SGCZ: variants seen among roughly 807,000 people sequenced by gnomAD.
The protein encoded by SGCZ is zeta-sarcoglycan.
In SGCZ, 40 loss-of-function variants were observed where a neutral mutation model predicts 41.3. That is an observed-to-expected ratio of 0.97 (90% CI 0.75 to 1.26). The LOEUF is 1.26. SGCZ is among the 50% of genes most tolerant of loss of function. The pLI is 0.00. For synonymous variants in SGCZ, 206 were observed against 137.5 expected (o/e 1.50, Z -3.49); for missense variants, 552 against 369.8 (o/e 1.49, Z -4.04).
chr8:14,363,138 T>C (rs1260831146), intron 2 of SGCZ, among the ~76,000 whole-genome samples: 1 of 152,188 alleles, frequency 6.6e-6, no homozygotes, highest in Admixed American at 6.5e-5. Flanking sequence ...CCTTTGCCTT[T>C]CTACTTCCAT....
intron 1 of SGCZ, among the ~76,000 whole-genome samples, chr8:15,172,171 T>G (rs1346516327): frequency 1.5e-5 from 2 of 135,912 alleles, no homozygotes; most frequent in East Asian, 2.2e-4. Flanking sequence ...TTTTTTTTTT[T>G]TTTTTTTTGA....
chr8:14,857,196 T>C (rs1803570217), intron 1 of SGCZ, among the ~76,000 whole-genome samples: 1 of 152,320 alleles, frequency 6.6e-6, no homozygotes, highest in South Asian at 2.1e-4. Context: ...CCTGCCATGA[T>C]TGTAAGTTTC....
chr8:14,294,847 C>T (rs369725055), intron 3 of SGCZ, among the ~76,000 whole-genome samples: 4 of 151,946 alleles, frequency 2.6e-5, no homozygotes, highest in Non-Finnish European at 2.9e-5. Context: ...CAAATTAAAA[C>T]TACAGTGCAC....
At chr8:15,009,495 A>G (rs1802752567) in intron 1 of SGCZ, among the ~76,000 whole-genome samples, 1 of 152,208 alleles carries the variant, frequency 6.6e-6, no homozygotes, top group Non-Finnish European at 1.5e-5. Flanking sequence ...GAAGGTTTAG[A>G]CAGAGCCAGT....
At chr8:14,273,784 G>C (rs567658560) in intron 3 of SGCZ, among the ~76,000 whole-genome samples, 1 of 152,020 alleles carries the variant, frequency 6.6e-6, no homozygotes, top group African/African-American at 2.4e-5. Flanking sequence ...AAACTAATGA[G>C]CATCGTAATA....
At chr8:14,440,756 C>T (rs1800233363) in intron 2 of SGCZ, among the ~76,000 whole-genome samples, 1 of 117,290 alleles carries the variant, frequency 8.5e-6, no homozygotes, top group Admixed American at 8.3e-5. Flanking sequence ...CATACGTATA[C>T]ACGTATATGT....
At chr8:14,596,838 A>T (rs996743313) in intron 1 of SGCZ, among the ~76,000 whole-genome samples, 1 of 152,180 alleles carries the variant, frequency 6.6e-6, no homozygotes, top group African/African-American at 2.4e-5. Context: ...AGAGTAAAAT[A>T]AAAAATAATA....
At chr8:14,193,154 T>C (rs1462749589) in intron 4 of SGCZ, among the ~76,000 whole-genome samples, 1 of 151,900 alleles carries the variant, frequency 6.6e-6, no homozygotes, top group Non-Finnish European at 1.5e-5. Flanking sequence ...TGGATTCATA[T>C]GATGTGAAAT....
intron 5 of SGCZ, among the ~76,000 whole-genome samples, chr8:14,145,539 A>G (rs1174470774): frequency 1.3e-5 from 2 of 152,206 alleles, no homozygotes; most frequent in Non-Finnish European, 2.9e-5. Context: ...ACCAAAGAAC[A>G]TTGTTAATAT....
intron 1 of SGCZ, among the ~76,000 whole-genome samples, chr8:15,012,572 T>C (rs1465497201): frequency 9.6e-6 from 1 of 104,582 alleles, no homozygotes; most frequent in Non-Finnish European, 2.2e-5. Flanking sequence ...CATATAAATA[T>C]ATATTTATAT....
Position 15,046,043 on chromosome 8 carries a change from A to G in SGCZ, c.39+191542T>C, listed in dbSNP as rs1015428554. On this transcript the variant is annotated intron_variant, in intron 1 of 7. Transcript: ENST00000382080. ...TACCATATAGATTTCATTCTATTAC[A>G]TTATATTGTTAGTACATTTACATAC... Among the ~76,000 whole-genome samples, 4 of 152,234 alleles carry G rather than the reference A, an allele frequency of 2.6e-5. No individual in the cohort carries two copies. The East Asian group carries it at 7.7e-4, about 29-fold the overall frequency.
intron 2 of SGCZ, among the ~76,000 whole-genome samples, chr8:14,421,520 T>A (rs1799636542): frequency 6.6e-6 from 1 of 152,130 alleles, no homozygotes; most frequent in Non-Finnish European, 1.5e-5. Context: ...AATTTGAAAT[T>A]CCTGGACATG....
chr8:14,582,452 T>C (rs930014888), intron 1 of SGCZ, among the ~76,000 whole-genome samples: 1 of 152,118 alleles, frequency 6.6e-6, no homozygotes. Context: ...TCATGTATTT[T>C]GGGGGGAGCT....
chr8:15,206,675 C>T (rs1377464247), intron 1 of SGCZ, among the ~76,000 whole-genome samples: 1 of 152,186 alleles, frequency 6.6e-6, no homozygotes, highest in East Asian at 1.9e-4. Flanking sequence ...TCTCGAACTC[C>T]TGACATTGTG....
At chr8:15,095,507 T>A (rs1806313445) in intron 1 of SGCZ, among the ~76,000 whole-genome samples, 1 of 152,380 alleles carries the variant, frequency 6.6e-6, no homozygotes, top group Admixed American at 6.5e-5. Context: ...AATGATCAAT[T>A]ATTCAATCAT....
At chr8:14,303,323 G>C (rs550548298) in intron 3 of SGCZ, among the ~76,000 whole-genome samples, 5 of 152,038 alleles carry the variant, frequency 3.3e-5, no homozygotes, top group Non-Finnish European at 4.4e-5. Context: ...CGAAATATGG[G>C]AGGTTAGGGT....
intron 1 of SGCZ, among the ~76,000 whole-genome samples, chr8:14,671,782 C>T (rs1808111123): frequency 1.3e-5 from 2 of 152,090 alleles, no homozygotes; most frequent in African/African-American, 4.8e-5. Flanking sequence ...ACAAACAAAA[C>T]AATTTTTTCC....
At chr8:14,949,533 C>G (rs189779849) in intron 1 of SGCZ, among the ~76,000 whole-genome samples, 57 of 152,104 alleles carry the variant, frequency 3.7e-4, no homozygotes, top group African/African-American at 1.3e-3. Flanking sequence ...TTTCAGGAAA[C>G]TAAAGATAAA....
intron 1 of SGCZ, among the ~76,000 whole-genome samples, chr8:15,141,712 G>C (rs1036763961): frequency 1.3e-5 from 2 of 152,122 alleles, no homozygotes; most frequent in African/African-American, 2.4e-5. Flanking sequence ...GAGCATCCTG[G>C]CTAACACGGT....
Sources: gnomAD v4.1 joint callset for allele counts (sites outside exome capture counted in the v4.1 genomes callset) on GRCh38, gnomAD v4.1.1 for gene constraint, MANE v1.5 for transcripts, NCBI Gene and HGNC (gene_info 2026-07-23, HGNC 2026-07-21) for gene names.